Variants in C21orf58 observed in about 807,000 individuals in gnomAD.
The protein encoded by C21orf58 is chromosome 21 open reading frame 58.
Under a neutral mutation model 35.8 loss-of-function variants are expected in C21orf58, and 34 were observed. That is an observed-to-expected ratio of 0.95 (90% confidence interval 0.72 to 1.26). The LOEUF (loss-of-function observed/expected upper bound fraction) is 1.26. Among genes scored for constraint, C21orf58 ranks in the 50% most tolerant of loss-of-function variants. The pLI is 0.00. For synonymous variants in C21orf58, 191 were observed against 175.8 expected (o/e 1.09, Z -0.68); for missense variants, 440 against 414.3 (o/e 1.06, Z -0.54).
At chr21:46,309,779 G>A (rs941211021) in intron 6 of C21orf58, among the ~76,000 whole-genome samples, 1 of 151,982 alleles carries the variant, frequency 6.6e-6, no homozygotes, top group Non-Finnish European at 1.5e-5. Context: ...GGTGGATCAT[G>A]AGGTCAGGAG....
At chr21:46,304,643 C>T (rs533855822) in intron 6 of C21orf58, among the ~76,000 whole-genome samples, 78 of 152,294 alleles carry the variant, frequency 5.1e-4, no homozygotes, top group African/African-American at 1.6e-3. Flanking sequence ...AGTGCTCTGG[C>T]GACTGAAATT....
chr21:46,322,651 T>G lies in C21orf58; in HGVS notation c.88A>C (p.Ser30Arg). The G allele has an allele frequency of 6.3e-7, 1 of 1,591,252 alleles. No individual in the cohort carries two copies. The highest frequency in any genetic ancestry group is 1.1e-5 in the South Asian group (1 of 87,714). ...QKLPSPDSGH[S>R]LLCGWSPGGK... ...ACACCCCGCTCACCACACAGAAGACTGTGGCCTGAGTCAGGAGAAGGAAGT... is the reference window on the plus strand; with the variant it reads ...ACACCCCGCTCACCACACAGAAGACGGTGGCCTGAGTCAGGAGAAGGAAGT... Residue 30 changes from serine (S) to arginine (R), a missense_variant, in exon 1 of 8, where the codon AGT becomes CGT. By Grantham distance (110) the Ser-to-Arg change is moderately radical. Coordinates refer to ENST00000291691, the MANE Select transcript of C21orf58 (RefSeq NM_058180.5).
intron 5 of C21orf58, chr21:46,312,866 A>T: frequency 2.5e-6 from 1 of 401,686 alleles, no homozygotes; most frequent in Non-Finnish European, 3.4e-6. Flanking sequence ...CAACTTGGTT[A>T]ATTACTGTCC....
In C21orf58 at chr21:46,302,134, C is replaced by G. The variant is rs779024288; in HGVS notation, c.834G>C (p.Pro278=). ...PALQDPPHVP[P]RVPRAARPRL... is the part of the protein sequence containing the mutation. ...TTGGCCTGGCAGCTCGTGGGACCCT[C>G]GGGGGCACATGTGGCGGGTCCTGCC... The change falls in exon 8 of 8, where the codon CCG becomes CCC. Residue 278 remains proline, a synonymous_variant. Transcript: ENST00000291691. The G allele has an allele frequency of 1.8e-5, 27 of 1,508,778 alleles. No homozygotes were observed. In the East Asian group the frequency reaches 6.6e-4, roughly 37 times the overall value. The allele number at this position is 1,508,778 out of a possible 1,614,324, so 93.5% of individuals were successfully genotyped here.
Position 46,317,447 on chromosome 21 carries a change from A to G in C21orf58, c.310-179T>C, listed in dbSNP as rs938706034. 5 of 1,008,984 alleles carry G rather than the reference A, an allele frequency of 5.0e-6. No homozygotes were observed. In the Admixed American group the frequency reaches 9.5e-5, roughly 19 times the overall value. 62.5% of individuals were successfully genotyped at this position (1,008,984 alleles called of 1,614,324 possible). A position where few individuals can be genotyped will look rare whatever the true frequency, so the allele number is the denominator to read the frequency against. On this transcript the variant is annotated intron_variant, in intron 2 of 7. Transcript: ENST00000291691. ...GAGGATCTCCCTGAGCTGCCTCTGT[A>G]AGCCTGACCTCTAGCAAATTCATGT...
Position 46,303,114 on chromosome 21 carries a change from A to T in C21orf58, c.722-538T>A, listed in dbSNP as rs546562424. Reference sequence around the variant, plus strand: ...AAGAGGCAGAGCTTGCGGTGAGCCAAGATCGTGCCACTGTACTCCAGCCTG... The same window carrying T: ...AAGAGGCAGAGCTTGCGGTGAGCCATGATCGTGCCACTGTACTCCAGCCTG... On this transcript the variant is annotated intron_variant, in intron 6 of 7. Transcript: ENST00000291691. Among the ~76,000 whole-genome samples, 66 of 152,100 alleles carry T rather than the reference A, an allele frequency of 4.3e-4. No homozygotes were observed. The South Asian group carries it at 4.4e-3, about 10-fold the overall frequency.
At chr21:46,322,297 A>C (rs956737490) in intron 1 of C21orf58, 10 of 273,516 alleles carry the variant, frequency 3.7e-5, no homozygotes, top group Non-Finnish European at 5.0e-5. Context: ...TAAAAAAGAA[A>C]AGAAAAAAGA....
chr21:46,303,976 C>A (rs1344640438), intron 6 of C21orf58, among the ~76,000 whole-genome samples: 1 of 140,792 alleles, frequency 7.1e-6, no homozygotes, highest in Non-Finnish European at 1.5e-5. Context: ...TGGTCTCGAT[C>A]TCCTGACCTC....
At chr21:46,319,726 T>C (rs2146119523) in intron 1 of C21orf58, among the ~76,000 whole-genome samples, 1 of 151,618 alleles carries the variant, frequency 6.6e-6, no homozygotes, top group Non-Finnish European at 1.5e-5. Context: ...TGAAACCCCG[T>C]CTCTACTAAA....
At chr21:46,320,961 A>G (rs977550928) in intron 1 of C21orf58, 1 of 152,226 alleles carries the variant, frequency 6.6e-6, no homozygotes, top group African/African-American at 2.4e-5. Context: ...AATGGGAAGC[A>G]CTAAGAATTG....
chr21:46,303,328 G>C (rs1268847463), intron 6 of C21orf58, among the ~76,000 whole-genome samples: 1 of 151,920 alleles, frequency 6.6e-6, no homozygotes, highest in Non-Finnish European at 1.5e-5. Flanking sequence ...AACAGAGCAA[G>C]ATACTATCTC....
chr21:46,305,736 G>A (rs1341207420), intron 6 of C21orf58, among the ~76,000 whole-genome samples: 4 of 151,242 alleles, frequency 2.6e-5, no homozygotes, highest in African/African-American at 9.7e-5. Context: ...TTAGAAGATC[G>A]AGACCATCCT....
intron 1 of C21orf58, among the ~76,000 whole-genome samples, chr21:46,320,445 G>A (rs894288753): frequency 8.6e-5 from 12 of 138,922 alleles, no homozygotes; most frequent in African/African-American, 3.3e-4. Context: ...GCAGGCGGAA[G>A]TTGCAGTGAG....
Position 46,317,219 on chromosome 21 carries a change from T to C in C21orf58, c.359A>G (p.His120Arg). 1.2e-6 allele frequency: 2 copies of C among 1,610,838 alleles called. No individual in the cohort carries two copies. Among genetic ancestry groups the C allele is most frequent in the Non-Finnish European group, 1.7e-6 (2 of 1,179,536 alleles). Reference protein sequence around the residue: ...QNVEGGPEGLHLEPGNEDRPD... With the variant: ...QNVEGGPEGLRLEPGNEDRPD... ...CCAGGGGCTCTCACCTGGCTCGAGGTGGAGGCCCTCAGGTCCCCCTTCCAC... is the reference window on the plus strand; with the variant it reads ...CCAGGGGCTCTCACCTGGCTCGAGGCGGAGGCCCTCAGGTCCCCCTTCCAC... The change falls in exon 3 of 8, where the codon CAC becomes CGC. Residue 120 changes from histidine to arginine, a missense_variant. Physicochemically the swap from His to Arg is conservative, Grantham distance 29 (BLOSUM62 0). Transcript: ENST00000291691.
At chr21:46,317,128 T>C in intron 3 of C21orf58, 80 bp downstream of exon 3, 9 of 1,257,600 alleles carry the variant, frequency 7.2e-6, no homozygotes, top group Non-Finnish European at 7.9e-6. Context: ...TGTCCCCACC[T>C]CCCCCTGGAG....
chr21:46,315,688 T>C, intron 3 of C21orf58, 141 bp from the exon 4 acceptor site: 2 of 654,776 alleles, frequency 3.1e-6, no homozygotes, highest in Non-Finnish European at 5.6e-6. Flanking sequence ...GGGAGGATCC[T>C]GGTCTTAGGT....
intron 6 of C21orf58, among the ~76,000 whole-genome samples, chr21:46,310,347 T>G (rs553534543): frequency 2.1e-4 from 32 of 151,140 alleles, no homozygotes; most frequent in African/African-American, 7.1e-4. Context: ...GGCATGGTGG[T>G]GGGCACCAGT....
In C21orf58 at chr21:46,318,221, C is replaced by A. The variant is rs748920757; in HGVS notation, c.101-1G>T. Reference sequence around the variant, plus strand: ...CGGGCCTTACCTCCTGGAGACCAGCCTGAGGGAAGAGAAGAGCCCTGTGGG... The same window carrying A: ...CGGGCCTTACCTCCTGGAGACCAGCATGAGGGAAGAGAAGAGCCCTGTGGG... On this transcript the variant is annotated splice_acceptor_variant, in intron 1 of 7. Coordinates refer to ENST00000291691, the MANE Select transcript of C21orf58 (RefSeq NM_058180.5). LOFTEE classifies it high-confidence loss of function. The A allele has an allele frequency of 2.5e-6, 4 of 1,611,930 alleles. No individual in the cohort carries two copies. In the Admixed American group the frequency reaches 6.7e-5, roughly 27 times the overall value.
Position 46,318,220 on chromosome 21 carries a change from C to T in C21orf58, c.101G>A (p.Gly34Asp), listed in dbSNP as rs2083048348. ...GCGGGCCTTACCTCCTGGAGACCAG[C>T]CTGAGGGAAGAGAAGAGCCCTGTGG... Reference protein sequence around the residue: ...SPDSGHSLLCGWSPGGKARPA... With the variant: ...SPDSGHSLLCDWSPGGKARPA... Residue 34 changes from glycine to aspartate, a missense_variant and splice_region_variant, in exon 2 of 8, where the codon GGC becomes GAC. By Grantham distance (94) the Gly-to-Asp change is moderately conservative. Transcript: ENST00000291691. The T allele has an allele frequency of 6.2e-7, 1 of 1,611,962 alleles. No homozygotes were observed. Among genetic ancestry groups the T allele is most frequent in the South Asian group, 1.1e-5 (1 of 91,056 alleles).
Sources: gnomAD v4.1 joint callset for allele counts (sites outside exome capture counted in the v4.1 genomes callset) on GRCh38, gnomAD v4.1.1 for gene constraint, MANE v1.5 for transcripts, NCBI Gene and HGNC (gene_info 2026-07-23, HGNC 2026-07-21) for gene names.